The following TNR variants were observed in gnomAD, a reference collection of about 807,000 sequenced individuals.
TNR encodes the protein tenascin-R.
Under a neutral mutation model 150.4 loss-of-function variants are expected in TNR, and 45 were observed. That is an observed-to-expected ratio of 0.30 (90% CI 0.24 to 0.38). The LOEUF (loss-of-function observed/expected upper bound fraction) is 0.38. TNR is among the 10% of genes least tolerant of loss of function. TNR has a pLI of 1.00. For synonymous variants in TNR, 687 were observed against 678.4 expected (o/e 1.01, Z -0.20); for missense variants, 1,544 against 1,759.1 (o/e 0.88, Z 2.19).
At chr1:175,684,931 T>C (rs182170607) in intron 1 of TNR, among the ~76,000 whole-genome samples, 2 of 152,354 alleles carry the variant, frequency 1.3e-5, no homozygotes, top group African/African-American at 4.8e-5. Context: ...CTCAGAACTT[T>C]GGGAAACCCC....
At position 175,315,845 on chromosome 1, in the gene TNR, T is replaced by A. The variant is rs1199075008; in HGVS notation, c.*7512A>T. ...GTGTGTGTGTGTGTGTGTGTGTGTG[T>A]GAATGATTGGAAGGAGGAGCCTGTG... On this transcript the variant is annotated 3_prime_UTR_variant, in exon 23 of 23. Transcript: ENST00000367674. The A allele has an allele frequency of 1.4e-5, 2 of 144,746 alleles. No individual in the cohort carries two copies. Among genetic ancestry groups the A allele is most frequent in the African/African-American group, 2.6e-5 (1 of 38,686 alleles). 9.0% of individuals were successfully genotyped at this position (144,746 alleles called of 1,614,324 possible). A position where few individuals can be genotyped will look rare whatever the true frequency, so the allele number is the denominator to read the frequency against.
chr1:175,639,002 C>T (rs912312566), intron 1 of TNR, among the ~76,000 whole-genome samples: 12 of 152,170 alleles, frequency 7.9e-5, no homozygotes, highest in African/African-American at 2.7e-4. Flanking sequence ...AATCTATGGG[C>T]AAAGTCTACC....
intron 1 of TNR, among the ~76,000 whole-genome samples, chr1:175,623,274 T>C (rs1558041972): frequency 1.3e-5 from 2 of 152,180 alleles, no homozygotes; most frequent in Non-Finnish European, 2.9e-5. Context: ...AAATATTAGG[T>C]ATTACTATTA....
intron 1 of TNR, among the ~76,000 whole-genome samples, chr1:175,719,734 G>A (rs1291024854): frequency 6.6e-6 from 1 of 152,192 alleles, no homozygotes. Context: ...TGATAGCAGA[G>A]ACCCCGCTGG....
intron 1 of TNR, among the ~76,000 whole-genome samples, chr1:175,696,360 G>C (rs1470896130): frequency 6.6e-6 from 1 of 151,658 alleles, no homozygotes; most frequent in Non-Finnish European, 1.5e-5. Flanking sequence ...TACAATTAGA[G>C]AGGTTTAACA....
intron 1 of TNR, among the ~76,000 whole-genome samples, chr1:175,567,034 GT>G (rs879496317): frequency 6.6e-6 from 1 of 152,032 alleles, no homozygotes; most frequent in Non-Finnish European, 1.5e-5. Context: ...TTTCTGCCCT[GT>G]TTCCCTCAGC....
At chr1:175,701,428 G>A (rs1207414115) in intron 1 of TNR, among the ~76,000 whole-genome samples, 3 of 152,162 alleles carry the variant, frequency 2.0e-5, no homozygotes, top group Non-Finnish European at 4.4e-5. Context: ...CCTTCCAAAG[G>A]CAGGGCCATT....
intron 1 of TNR, among the ~76,000 whole-genome samples, chr1:175,640,791 G>GTATATATATATATATATATATATA (rs59240572): frequency 2.6e-4 from 38 of 143,684 alleles, no homozygotes; most frequent in African/African-American, 8.8e-4. Context: ...GTGTGTGTGG[G>GTATATATATATATATATATATATA]TATATATATA....
intron 1 of TNR, among the ~76,000 whole-genome samples, chr1:175,639,586 C>A (rs914313980): frequency 6.6e-6 from 1 of 152,166 alleles, no homozygotes; most frequent in African/African-American, 2.4e-5. Context: ...GCTCTGACAC[C>A]TTGCCCGGCA....
At chr1:175,433,656 G>C (rs192515495) in intron 2 of TNR, among the ~76,000 whole-genome samples, 152 of 152,274 alleles carry the variant, frequency 1.0e-3, no homozygotes, top group Middle Eastern at 6.8e-3. Context: ...GTGTAGGAGA[G>C]GGCTTCATCA....
At chr1:175,376,799 T>C (rs1217852032) in intron 9 of TNR, among the ~76,000 whole-genome samples, 2 of 151,272 alleles carry the variant, frequency 1.3e-5, no homozygotes, top group Admixed American at 1.3e-4. Flanking sequence ...GCTATTTGCC[T>C]CATAAATCTC....
intron 2 of TNR, among the ~76,000 whole-genome samples, chr1:175,416,116 TTA>T (rs534164906): frequency 3.6e-5 from 5 of 139,026 alleles, no homozygotes; most frequent in African/African-American, 5.5e-5. Flanking sequence ...CTTCTGACAA[TTA>T]TATATATATA....
At chr1:175,525,712 C>T (rs890377163) in intron 2 of TNR, among the ~76,000 whole-genome samples, 11 of 152,330 alleles carry the variant, frequency 7.2e-5, no homozygotes, top group Admixed American at 5.9e-4. Flanking sequence ...CGTCGTTCCC[C>T]ACCTGAGTGC....
chr1:175,553,834 A>ACACACACACAC (rs1176568477), intron 1 of TNR, among the ~76,000 whole-genome samples: 1 of 151,612 alleles, frequency 6.6e-6, no homozygotes, highest in African/African-American at 2.4e-5. Flanking sequence ...ACACACACAC[A>ACACACACACAC]CACACACACA....
chr1:175,581,301 T>C (rs2102228680), intron 1 of TNR, among the ~76,000 whole-genome samples: 1 of 152,292 alleles, frequency 6.6e-6, no homozygotes, highest in Middle Eastern at 3.4e-3. Flanking sequence ...CAGCCTTCAC[T>C]GTAATCTCCA....
At chr1:175,474,375 G>A (rs1657451494) in intron 2 of TNR, among the ~76,000 whole-genome samples, 2 of 152,192 alleles carry the variant, frequency 1.3e-5, no homozygotes, top group Admixed American at 1.3e-4. Flanking sequence ...AGGGGTGCAT[G>A]TGCACAGTGA....
At chr1:175,343,924 A>G (rs2101996986) in intron 18 of TNR, among the ~76,000 whole-genome samples, 1 of 152,324 alleles carries the variant, frequency 6.6e-6, no homozygotes, top group African/African-American at 2.4e-5. Flanking sequence ...CGAGTACAAG[A>G]TGTCCAGGTT....
At chr1:175,365,494 C>CA (rs1651793564) in intron 11 of TNR, among the ~76,000 whole-genome samples, 18 of 152,306 alleles carry the variant, frequency 1.2e-4, no homozygotes, top group Admixed American at 3.9e-4. Flanking sequence ...AAAATGAGAA[C>CA]TACTTCTGTG....
Position 175,365,935 on chromosome 1 carries a change from A to G in TNR, c.2257T>C (p.Ser753Pro), listed in dbSNP as rs1285542485. 1 of 1,613,980 alleles carries G rather than the reference A, an allele frequency of 6.2e-7. No individual in the cohort carries two copies. The highest frequency in any genetic ancestry group is 8.5e-7 in the Non-Finnish European group (1 of 1,179,992). Residue 753 changes from serine (S) to proline (P), a missense_variant, in exon 11 of 23, where the codon TCC (serine) becomes CCC (proline). Coordinates refer to ENST00000367674, the MANE Select transcript of TNR (RefSeq NM_003285.3). The part of the protein sequence containing the change: ...DLEPGAEYII[S>P]VTAERGRQQS... ...TGCCGACCCCTCTCAGCAGTGACGG[A>G]AATGATGTACTCTGCCCCAGGCTCT...
Sources: gnomAD v4.1 joint callset for allele counts (sites outside exome capture counted in the v4.1 genomes callset) on GRCh38, gnomAD v4.1.1 for gene constraint, MANE v1.5 for transcripts, NCBI Gene and HGNC (gene_info 2026-07-23, HGNC 2026-07-21) for gene names.